The following EXOC6B variants were observed in gnomAD, a reference collection of about 807,000 sequenced individuals.
EXOC6B encodes the protein SEC15 homolog B.
EXOC6B carries 54 observed loss-of-function variants against 113.5 expected under a neutral mutation model. The observed-to-expected ratio is 0.48, with a 90% CI of 0.38 to 0.60. The LOEUF (loss-of-function observed/expected upper bound fraction) is 0.60. Ranked by LOEUF, EXOC6B falls within the 20% of genes least tolerant of loss-of-function variation. The pLI is 0.00. For missense variants in EXOC6B, 797 were observed against 977.5 expected (o/e 0.82, Z 2.46); for synonymous variants, 357 against 339.0 (o/e 1.05, Z -0.58).
At chr2:72,748,148 C>T (rs189537233) in intron 1 of EXOC6B, among the ~76,000 whole-genome samples, 12 of 152,170 alleles carry the variant, frequency 7.9e-5, no homozygotes, top group Admixed American at 7.2e-4. Flanking sequence ...CCACGGAGAA[C>T]TTCAAGACAC....
At chr2:72,443,089 G>A (rs1046103828) in intron 18 of EXOC6B, among the ~76,000 whole-genome samples, 20 of 152,198 alleles carry the variant, frequency 1.3e-4, no homozygotes, top group African/African-American at 4.8e-4. Flanking sequence ...CACTTTGGGA[G>A]GCTGAGGTGG....
chr2:72,214,765 A>G (rs942695830), intron 20 of EXOC6B, among the ~76,000 whole-genome samples: 2 of 152,166 alleles, frequency 1.3e-5, no homozygotes, highest in Non-Finnish European at 2.9e-5. Context: ...TAAAAAGATT[A>G]ATTTGATTTT....
intron 6 of EXOC6B, among the ~76,000 whole-genome samples, chr2:72,657,044 T>C (rs1254359809): frequency 2.0e-5 from 3 of 151,582 alleles, no homozygotes; most frequent in Non-Finnish European, 4.4e-5. Context: ...AGAGACAGGG[T>C]TTCTCCTTGT....
At chr2:72,744,325 CA>C (rs1397214696) in intron 1 of EXOC6B, among the ~76,000 whole-genome samples, 1 of 152,184 alleles carries the variant, frequency 6.6e-6, no homozygotes. Flanking sequence ...AAAGGCAGAG[CA>C]ATCTGGATTC....
At chr2:72,498,021 G>A (rs1700126889) in intron 13 of EXOC6B, among the ~76,000 whole-genome samples, 1 of 152,124 alleles carries the variant, frequency 6.6e-6, no homozygotes, top group Non-Finnish European at 1.5e-5. Context: ...CAACATGAGT[G>A]AGTCATCCAA....
At chr2:72,601,116 G>A (rs1558833329) in intron 6 of EXOC6B, among the ~76,000 whole-genome samples, 2 of 118,560 alleles carry the variant, frequency 1.7e-5, no homozygotes, top group African/African-American at 6.5e-5. Context: ...ATATATATGT[G>A]TGTGTGTATG....
intron 20 of EXOC6B, among the ~76,000 whole-genome samples, chr2:72,327,998 T>C (rs972276160): frequency 6.6e-6 from 1 of 150,840 alleles, no homozygotes; most frequent in Non-Finnish European, 1.5e-5. Flanking sequence ...GCCTTTGCTA[T>C]AAAGTCAAAG....
intron 20 of EXOC6B, among the ~76,000 whole-genome samples, chr2:72,187,657 T>G (rs908908867): frequency 6.6e-6 from 1 of 152,052 alleles, no homozygotes; most frequent in Non-Finnish European, 1.5e-5. Flanking sequence ...CTCTCTGTCC[T>G]CTCCTCTGCT....
At chr2:72,398,727 T>TACACACACACACAC (rs60055732) in intron 18 of EXOC6B, among the ~76,000 whole-genome samples, 27 of 138,996 alleles carry the variant, frequency 1.9e-4, no homozygotes, top group African/African-American at 6.9e-4. Flanking sequence ...TCTCTCTGTC[T>TACACACACACACAC]ACACACACAC....
intron 20 of EXOC6B, among the ~76,000 whole-genome samples, chr2:72,283,445 G>C (rs1179094545): frequency 1.3e-5 from 2 of 152,184 alleles, no homozygotes; most frequent in African/African-American, 2.4e-5. Context: ...ACTGGAAGCA[G>C]AAACCTCTAT....
At chr2:72,485,672 A>C (rs1699388260) in intron 16 of EXOC6B, among the ~76,000 whole-genome samples, 1 of 152,242 alleles carries the variant, frequency 6.6e-6, no homozygotes, top group Admixed American at 6.5e-5. Flanking sequence ...ACTTAAGTAC[A>C]AAACATTTTA....
At chr2:72,449,855 C>T (rs375249133) in intron 18 of EXOC6B, among the ~76,000 whole-genome samples, 6 of 152,040 alleles carry the variant, frequency 3.9e-5, no homozygotes, top group Admixed American at 1.3e-4. Context: ...ATACTCTGTC[C>T]GACACATGGA....
Position 72,457,005 on chromosome 2 carries a change from T to TG in EXOC6B, c.1980+8154dup, listed in dbSNP as rs202125713. Among the ~76,000 whole-genome samples the TG allele has an allele frequency of 7.1e-4, 104 of 145,962 alleles. 1 individual carries two copies. Among genetic ancestry groups the TG allele is most frequent in the Middle Eastern group, 3.5e-3 (1 of 282 alleles). Reference sequence around the variant, plus strand: ...AAGCAGTAAAAGTAGACGAAAGGCATGGGGGGGAAAAAAAAAAAAGACCCA... The same window carrying TG: ...AAGCAGTAAAAGTAGACGAAAGGCATGGGGGGGGAAAAAAAAAAAAGACCCA... On this transcript the variant is annotated intron_variant, in intron 18 of 21. Coordinates refer to ENST00000272427, the MANE Select transcript of EXOC6B (RefSeq NM_015189.3).
At chr2:72,580,383 T>A (rs1705148592) in intron 6 of EXOC6B, among the ~76,000 whole-genome samples, 1 of 151,816 alleles carries the variant, frequency 6.6e-6, no homozygotes, top group Non-Finnish European at 1.5e-5. Context: ...CCTCAAATGA[T>A]CCACCCAACT....
At chr2:72,671,790 A>AGAAAGAAAGAAG (rs1491138308) in intron 6 of EXOC6B, among the ~76,000 whole-genome samples, 17 of 107,508 alleles carry the variant, frequency 1.6e-4, no homozygotes, top group African/African-American at 8.5e-4. Context: ...AAAGAAAGAA[A>AGAAAGAAAGAAG]GAAAGAAAGA....
chr2:72,818,194 G>C (rs1686377551), intron 1 of EXOC6B, among the ~76,000 whole-genome samples: 1 of 151,844 alleles, frequency 6.6e-6, no homozygotes, highest in Non-Finnish European at 1.5e-5. Flanking sequence ...TCCCAGGCTC[G>C]AGGGCAGTAG....
intron 20 of EXOC6B, among the ~76,000 whole-genome samples, chr2:72,322,247 A>G (rs1311519483): frequency 6.6e-6 from 1 of 152,212 alleles, no homozygotes; most frequent in Non-Finnish European, 1.5e-5. Context: ...AATAAAAAAG[A>G]ATGAACTATT....
intron 6 of EXOC6B, among the ~76,000 whole-genome samples, chr2:72,656,483 A>C (rs185355698): frequency 6.6e-6 from 1 of 152,268 alleles, no homozygotes. Flanking sequence ...TATGCAAGGA[A>C]TAAAAAAAGG....
rs78762789 is a variant in EXOC6B at position 72,210,381 on chromosome 2, G to A, written c.2197-26194C>T. ...CATTAATCCTAAACAAAATGAACAC[G>A]TCAATGTGAAGTACGGTAGGGATCA... is the stretch of plus-strand genomic sequence containing the variant. On this transcript the variant is annotated intron_variant, in intron 20 of 21. Coordinates refer to ENST00000272427, the MANE Select transcript of EXOC6B (RefSeq NM_015189.3). Among the ~76,000 whole-genome samples, 743 of 152,240 alleles carry A rather than the reference G, an allele frequency of 4.9e-3. 7 individuals are homozygous for A. Among genetic ancestry groups the A allele is most frequent in the African/African-American group, 0.016 (670 of 41,544 alleles).
Sources: gnomAD v4.1 joint callset for allele counts (sites outside exome capture counted in the v4.1 genomes callset) on GRCh38, gnomAD v4.1.1 for gene constraint, MANE v1.5 for transcripts, NCBI Gene and HGNC (gene_info 2026-07-23, HGNC 2026-07-21) for gene names.